The following SLC39A11 variants were observed in gnomAD, a reference collection of about 807,000 sequenced individuals.
The protein encoded by SLC39A11 is zinc transporter ZIP11.
In SLC39A11, 33 loss-of-function variants were observed where a neutral mutation model predicts 36.1. The ratio of observed to expected loss-of-function variants is 0.91; its 90% CI spans 0.69 to 1.22. The LOEUF is 1.22. SLC39A11 is among the 50% of genes most tolerant of loss of function. The pLI, the probability that SLC39A11 is intolerant of heterozygous loss-of-function variation, is 0.00. For missense variants in SLC39A11, 432 were observed against 430.3 expected, an observed-to-expected ratio of 1.00 and a Z score of -0.03; for synonymous variants, 166 against 170.3, an observed-to-expected ratio of 0.97 and a Z score of 0.20.
At chr17:72,807,346 G>C (rs1176919777) in intron 6 of SLC39A11, among the ~76,000 whole-genome samples, 1 of 152,154 alleles carries the variant, frequency 6.6e-6, no homozygotes. Context: ...CTTTGTGTCT[G>C]GTGGCACAGA....
chr17:72,828,334 T>C (rs1057158870), intron 6 of SLC39A11, among the ~76,000 whole-genome samples: 1 of 152,042 alleles, frequency 6.6e-6, no homozygotes, highest in African/African-American at 2.4e-5. Context: ...AGTAATGCAA[T>C]GCAAGAAAGA....
intron 6 of SLC39A11, among the ~76,000 whole-genome samples, chr17:72,740,089 GTCTC>G (rs1161838834): frequency 1.1e-5 from 1 of 87,568 alleles, no homozygotes; most frequent in Non-Finnish European, 2.1e-5. Context: ...TTGAGATGGA[GTCTC>G]TCTCTGTCGC....
chr17:72,738,149 C>A (rs1568009090), intron 6 of SLC39A11, among the ~76,000 whole-genome samples: 1 of 152,178 alleles, frequency 6.6e-6, no homozygotes, highest in East Asian at 1.9e-4. Flanking sequence ...GGACTACAGG[C>A]GCCCGCTACC....
chr17:72,916,562 C>A (rs996483765), intron 5 of SLC39A11, among the ~76,000 whole-genome samples: 1 of 152,154 alleles, frequency 6.6e-6, no homozygotes, highest in African/African-American at 2.4e-5. Flanking sequence ...TGTAGGACCA[C>A]CAGGCCTACA....
chr17:72,763,782 C>T (rs2075672031), intron 6 of SLC39A11, among the ~76,000 whole-genome samples: 2 of 152,138 alleles, frequency 1.3e-5, no homozygotes, highest in African/African-American at 4.8e-5. Flanking sequence ...TAAGATGGAG[C>T]GACCAGCTTC....
chr17:72,656,843 A>T (rs1232700731), intron 7 of SLC39A11, among the ~76,000 whole-genome samples: 1 of 151,784 alleles, frequency 6.6e-6, no homozygotes, highest in African/African-American at 2.4e-5. Flanking sequence ...TATTTTTATT[A>T]TTTTTTTTAA....
chr17:73,084,747 G>A, intron 3 of SLC39A11, 61 bp downstream of exon 3: 2 of 1,569,396 alleles, frequency 1.3e-6, no homozygotes, highest in South Asian at 1.1e-5. Context: ...ACAGCCCTTG[G>A]CAGACACATG....
chr17:72,742,271 T>C (rs771165130), intron 6 of SLC39A11, among the ~76,000 whole-genome samples: 2 of 152,104 alleles, frequency 1.3e-5, no homozygotes, highest in Non-Finnish European at 2.9e-5. Context: ...CAGGCTGCGA[T>C]GGGTATGCCT....
chr17:72,776,335 TACAA>T (rs1168565406), intron 6 of SLC39A11, among the ~76,000 whole-genome samples: 2 of 152,228 alleles, frequency 1.3e-5, no homozygotes, highest in East Asian at 1.9e-4. Flanking sequence ...TTAAAGTTCT[TACAA>T]ACAATTTGTT....
At chr17:73,089,310 C>T (rs570466330) in intron 1 of SLC39A11, among the ~76,000 whole-genome samples, 4 of 152,268 alleles carry the variant, frequency 2.6e-5, no homozygotes, top group Non-Finnish European at 5.9e-5. Context: ...CACCAACCCC[C>T]GACTCTCCAA....
chr17:72,940,738 C>T (rs1463817465), intron 5 of SLC39A11, among the ~76,000 whole-genome samples: 5 of 152,180 alleles, frequency 3.3e-5, no homozygotes, highest in Non-Finnish European at 7.3e-5. Flanking sequence ...AAGAGAACTC[C>T]TTTCTCCTGA....
At chr17:72,714,387 T>C (rs919735677) in intron 7 of SLC39A11, among the ~76,000 whole-genome samples, 6 of 151,792 alleles carry the variant, frequency 4.0e-5, no homozygotes, top group Non-Finnish European at 7.4e-5. Context: ...ATAAAAATAA[T>C]AATAATTGCG....
At chr17:73,026,187 G>GAGATAAGAGAAGAGA (rs1555683082) in intron 4 of SLC39A11, among the ~76,000 whole-genome samples, 1 of 3,590 alleles carries the variant, frequency 2.8e-4, no homozygotes, top group Non-Finnish European at 1.2e-3. Context: ...AGAAAGAGAA[G>GAGATAAGAGAAGAGA]AGAGAAGAGA....
At chr17:72,958,382 C>G (rs1286180293) in intron 4 of SLC39A11, among the ~76,000 whole-genome samples, 1 of 152,174 alleles carries the variant, frequency 6.6e-6, no homozygotes, top group Admixed American at 6.5e-5. Context: ...AGCTTTTGCA[C>G]AGCAAAAGGA....
At position 72,775,518 on chromosome 17, in the gene SLC39A11, T is replaced by C. The variant is rs79522841; in HGVS notation, c.602-38799A>G. Among the ~76,000 whole-genome samples the C allele has an allele frequency of 4.1e-3, 623 of 151,936 alleles. 10 individuals are homozygous for C. Among genetic ancestry groups the C allele is most frequent in the Non-Finnish European group, 3.6e-3 (247 of 67,960 alleles). Reference sequence around the variant, plus strand: ...GAGAGTAGAAAGCCGAGCTAACAAATGGTGCAACTCAGTGAGAAGATCTAC... The same window carrying C: ...GAGAGTAGAAAGCCGAGCTAACAAACGGTGCAACTCAGTGAGAAGATCTAC... On this transcript the variant is annotated intron_variant, in intron 6 of 9. Coordinates refer to ENST00000255559, the MANE Select transcript of SLC39A11 (RefSeq NM_139177.4).
At chr17:72,881,373 T>G (rs905283581) in intron 5 of SLC39A11, among the ~76,000 whole-genome samples, 3 of 152,216 alleles carry the variant, frequency 2.0e-5, no homozygotes, top group Admixed American at 1.3e-4. Flanking sequence ...GGTATGCACA[T>G]ATGTCAAAAT....
chr17:73,019,418 T>C (rs555666361), intron 4 of SLC39A11, among the ~76,000 whole-genome samples: 2 of 152,282 alleles, frequency 1.3e-5, no homozygotes, highest in South Asian at 2.1e-4. Flanking sequence ...AAAAATAGTA[T>C]GAACCAAAGA....
chr17:72,896,922 G>C (rs569494143), intron 5 of SLC39A11, among the ~76,000 whole-genome samples: 1 of 149,322 alleles, frequency 6.7e-6, no homozygotes, highest in African/African-American at 2.5e-5. Flanking sequence ...GCGTGGTGGC[G>C]GGCACCTATA....
chr17:72,763,141 C>A (rs1046449298), intron 6 of SLC39A11, among the ~76,000 whole-genome samples: 2 of 152,158 alleles, frequency 1.3e-5, no homozygotes, highest in South Asian at 2.1e-4. Flanking sequence ...AAGCTCCCAA[C>A]AGGATTTAGA....
Sources: allele counts gnomAD v4.1 joint callset (sites outside exome capture counted in the v4.1 genomes callset), GRCh38; gene constraint gnomAD v4.1.1; transcripts MANE v1.5; gene names NCBI Gene and HGNC (gene_info 2026-07-23, HGNC 2026-07-21).